MCC: variants seen among roughly 807,000 people sequenced by gnomAD.
The protein encoded by MCC is MCC regulator of Wnt signaling pathway, also known as colorectal mutant cancer protein.
Under a neutral mutation model 116.2 loss-of-function variants are expected in MCC, and 90 were observed. The observed-to-expected ratio is 0.77, with a 90% CI of 0.65 to 0.92. MCC has a LOEUF of 0.92. MCC is among the 40% of genes least tolerant of loss of function. The probability of loss-of-function intolerance (pLI) is 0.00; values close to 1 mark genes in which losing one functional copy is unlikely to be tolerated. For missense variants in MCC, 1,516 were observed against 1,312.2 expected (o/e 1.16, Z -2.40); for synonymous variants, 578 against 510.5 (o/e 1.13, Z -1.78).
intron 3 of MCC, among the ~76,000 whole-genome samples, chr5:113,274,291 G>C (rs114201792): frequency 0.011 from 1,689 of 152,294 alleles, 31 homozygotes; most frequent in African/African-American, 0.039. Flanking sequence ...CTTCCCCCTA[G>C]GAAAGGGGGA....
chr5:113,415,105 T>C (rs1456558702), intron 1 of MCC, among the ~76,000 whole-genome samples: 1 of 152,204 alleles, frequency 6.6e-6, no homozygotes, highest in Non-Finnish European at 1.5e-5. Flanking sequence ...CCCACTCTCT[T>C]CTGGCTTGTA....
At chr5:113,262,360 A>G (rs1367542935) in intron 3 of MCC, among the ~76,000 whole-genome samples, 1 of 152,108 alleles carries the variant, frequency 6.6e-6, no homozygotes, top group Non-Finnish European at 1.5e-5. Context: ...GGGTTTTATG[A>G]GAAACGTTAC....
Position 113,074,934 on chromosome 5 carries a change from G to A in MCC, c.1785-3700C>T, listed in dbSNP as rs372613719. 3.8e-4 allele frequency among the ~76,000 whole-genome samples: 57 copies of A among 151,386 alleles called. 2 individuals carry two copies. The South Asian group carries it at 8.7e-3, about 23-fold the overall frequency. ...CCTTGCTTGCTCTTGGCACCTCGTC[G>A]GCCTCGGTGTCTGCTCTGGCCATGC... On this transcript the variant is annotated intron_variant, in intron 11 of 18. Coordinates refer to ENST00000408903, the MANE Select transcript of MCC (RefSeq NM_001085377.2).
chr5:113,145,106 A>ATT (rs1435177531), intron 4 of MCC, among the ~76,000 whole-genome samples: 43 of 152,366 alleles, frequency 2.8e-4, no homozygotes, highest in African/African-American at 1.0e-3. Flanking sequence ...AAAGAGCTTC[A>ATT]TATTTCTCTG....
At chr5:113,151,639 G>A (rs994846673) in intron 3 of MCC, among the ~76,000 whole-genome samples, 3 of 152,178 alleles carry the variant, frequency 2.0e-5, no homozygotes, top group Admixed American at 2.0e-4. Context: ...TATTATGTGT[G>A]GGACATGGGA....
chr5:113,035,975 C>A (rs2150210380), intron 17 of MCC, among the ~76,000 whole-genome samples: 1 of 147,726 alleles, frequency 6.8e-6, no homozygotes, highest in African/African-American at 2.5e-5. Flanking sequence ...CCTTGGAAGT[C>A]AGTACTATCA....
chr5:113,326,812 C>T (rs906106366), intron 3 of MCC, among the ~76,000 whole-genome samples: 1 of 152,134 alleles, frequency 6.6e-6, no homozygotes, highest in African/African-American at 2.4e-5. Flanking sequence ...TTATATTCAA[C>T]TATTTAGAAT....
In MCC at chr5:113,434,437, G is replaced by T; in HGVS notation, c.171-49225C>A. 1 of 1,613,886 alleles carries T rather than the reference G, an allele frequency of 6.2e-7. No homozygotes were observed. The highest frequency in any genetic ancestry group is 8.5e-7 in the Non-Finnish European group (1 of 1,179,976). On this transcript the variant is annotated intron_variant, in intron 1 of 18. Transcript: ENST00000408903. This position sits in a 1 kb window ranked among gnomAD's most constrained non-coding sequence, Gnocchi z 4.2. Reference sequence around the variant, plus strand: ...AGAAGGTTGTCACACTTGAGGTCCCGGTGGACGACGTCCAGGTCGTGGCAG... The same window carrying T: ...AGAAGGTTGTCACACTTGAGGTCCCTGTGGACGACGTCCAGGTCGTGGCAG...
At chr5:113,405,737 T>C (rs1769813145) in intron 1 of MCC, among the ~76,000 whole-genome samples, 1 of 151,588 alleles carries the variant, frequency 6.6e-6, no homozygotes, top group Non-Finnish European at 1.5e-5. Flanking sequence ...AGCTCAGGAA[T>C]GCGAGCCTGC....
Position 113,340,552 on chromosome 5 carries a change from A to G in MCC, c.594T>C (p.Ser198=), listed in dbSNP as rs767812873. The G allele has an allele frequency of 2.4e-5, 39 of 1,614,038 alleles. No homozygotes were observed. Among genetic ancestry groups the G allele is most frequent in the Non-Finnish European group, 3.0e-5 (35 of 1,180,014 alleles). Residue 198 remains serine, a synonymous_variant, in exon 3 of 19, where the codon TCT becomes TCC. Transcript: ENST00000408903. ...LLTQSPHIGN[S]VGGSYLELAN... ...CCAGCTCTAGATAGCTTCCTCCTAC[A>G]GAGTTGCCAATGTGCGGGGACTGTG...
At chr5:113,134,555 CTT>C in intron 5 of MCC, among the ~76,000 whole-genome samples, 2,447 of 30,138 alleles carry the variant, frequency 0.081, 23 homozygotes, top group East Asian at 0.15. Flanking sequence ...GCTATTTGGG[CTT>C]TTTTTTTTTT....
chr5:113,409,940 A>G (rs1413337163), intron 1 of MCC, among the ~76,000 whole-genome samples: 1 of 152,038 alleles, frequency 6.6e-6, no homozygotes, highest in Non-Finnish European at 1.5e-5. Context: ...TTATAATCAT[A>G]TTTTCCATTA....
intron 17 of MCC, among the ~76,000 whole-genome samples, chr5:113,031,841 G>C (rs1750974804): frequency 6.6e-6 from 1 of 152,106 alleles, no homozygotes; most frequent in Non-Finnish European, 1.5e-5. Context: ...ACCCCAGAAG[G>C]GCAGGAGAGA....
intron 14 of MCC, among the ~76,000 whole-genome samples, chr5:113,063,670 T>A (rs747349407): frequency 3.3e-5 from 5 of 152,112 alleles, no homozygotes; most frequent in Non-Finnish European, 1.5e-5. Flanking sequence ...TATAAAGAAA[T>A]GGAGAACAGA....
Position 113,385,023 on chromosome 5 carries a change from T to C in MCC, c.360A>G (p.Thr120=). 1 of 1,614,258 alleles carries C rather than the reference T, an allele frequency of 6.2e-7. No homozygotes were observed. The highest frequency in any genetic ancestry group is 8.5e-7 in the Non-Finnish European group (1 of 1,180,042). Residue 120 remains threonine (T), a synonymous_variant, in exon 2 of 19, where the codon ACA becomes ACG. Coordinates refer to ENST00000408903, the MANE Select transcript of MCC (RefSeq NM_001085377.2). ...DLSAKSDNSC[T]KKLRDRIASW... Reference sequence around the variant, plus strand: ...AAGCAATTCTATCCCTCAGCTTCTTTGTACAGGAGTTGTCTGACTTTGCAG... The same window carrying C: ...AAGCAATTCTATCCCTCAGCTTCTTCGTACAGGAGTTGTCTGACTTTGCAG...
intron 11 of MCC, among the ~76,000 whole-genome samples, chr5:113,081,471 C>T (rs1407729151): frequency 6.6e-6 from 1 of 152,172 alleles, no homozygotes; most frequent in South Asian, 2.1e-4. Context: ...CTTCTTTGGT[C>T]TCTCCTGGGT....
At chr5:113,088,990 A>G (rs1175948625) in intron 8 of MCC, among the ~76,000 whole-genome samples, 1 of 152,102 alleles carries the variant, frequency 6.6e-6, no homozygotes, top group Non-Finnish European at 1.5e-5. Flanking sequence ...CAAAATATAT[A>G]TTTTGGAGTC....
chr5:113,178,803 C>T (rs76172268), intron 3 of MCC, among the ~76,000 whole-genome samples: 5,614 of 152,212 alleles, frequency 0.037, 143 homozygotes, highest in African/African-American at 0.063. Context: ...CCTATCCTAC[C>T]CTCCTGCCTT....
chr5:113,434,797 C>A lies in MCC; in HGVS notation c.171-49585G>T, dbSNP rs1248022789. The A allele has an allele frequency of 2.5e-6, 4 of 1,613,008 alleles. No individual in the cohort carries two copies. The highest frequency in any genetic ancestry group is 8.5e-7 in the Non-Finnish European group (1 of 1,179,174). On this transcript the variant is annotated intron_variant, in intron 1 of 18. Transcript: ENST00000408903. The surrounding 1 kb of genome is among the most constrained non-coding windows in gnomAD (Gnocchi z 4.2). ...TAGGAGCCCTCTCCTAAATTTATCC[C>A]CAGGAGGTAGCCTCGTCGCTTGAGG...
Sources: gnomAD v4.1 joint callset for allele counts (sites outside exome capture counted in the v4.1 genomes callset) on GRCh38, gnomAD v4.1.1 for gene constraint, Gnocchi (gnomAD v3.1) non-coding constraint, MANE v1.5 for transcripts, NCBI Gene and HGNC (gene_info 2026-07-23, HGNC 2026-07-21) for gene names.